The following CARMIL1 variants were observed in gnomAD, a reference collection of about 807,000 sequenced individuals.
CARMIL1 encodes capping protein regulator and myosin 1 linker 1.
A neutral mutation model predicts 177.1 loss-of-function variants in CARMIL1; 90 were observed. The observed-to-expected ratio is 0.51, with a 90% confidence interval of 0.43 to 0.61. The LOEUF (loss-of-function observed/expected upper bound fraction) is 0.61, where lower values mean the gene tolerates loss of function less well. CARMIL1 is among the 20% of genes least tolerant of loss of function. The pLI is 0.00. For missense variants in CARMIL1, 1,380 were observed against 1,667.0 expected, an observed-to-expected ratio of 0.83 and a Z score of 3.00; for synonymous variants, 577 against 606.2, an observed-to-expected ratio of 0.95 and a Z score of 0.71.
intron 26 of CARMIL1, among the ~76,000 whole-genome samples, chr6:25,546,646 T>A (rs1285980684): frequency 8.4e-6 from 1 of 119,062 alleles, no homozygotes; most frequent in Non-Finnish European, 1.7e-5. Flanking sequence ...CGGAATGAGA[T>A]CCCGTCTCAA....
chr6:25,579,814 T>C lies in CARMIL1; in HGVS notation c.2743-1110T>C, dbSNP rs541813294. 2.6e-5 allele frequency among the ~76,000 whole-genome samples: 4 copies of C among 152,330 alleles called. No homozygotes were observed. The East Asian group carries it at 5.8e-4, about 22-fold the overall frequency. On this transcript the variant is annotated intron_variant, in intron 29 of 36. Coordinates refer to ENST00000329474, the MANE Select transcript of CARMIL1 (RefSeq NM_017640.6). ...AATGATATTATTAAAACTGGCATAA[T>C]TGTCAAAACTATAGATTTGTTTGCT...
At chr6:25,282,019 G>A (rs1376567640) in intron 1 of CARMIL1, among the ~76,000 whole-genome samples, 1 of 151,076 alleles carries the variant, frequency 6.6e-6, no homozygotes, top group African/African-American at 2.4e-5. Context: ...GGAGGCTGAG[G>A]CAGGAGAATC....
chr6:25,564,609 G>C (rs1811398005), intron 29 of CARMIL1, among the ~76,000 whole-genome samples: 1 of 152,092 alleles, frequency 6.6e-6, no homozygotes, highest in South Asian at 2.1e-4. Context: ...TCTGTCTTAT[G>C]GACACGATGG....
At chr6:25,354,121 A>G (rs557559090) in intron 2 of CARMIL1, among the ~76,000 whole-genome samples, 14 of 152,230 alleles carry the variant, frequency 9.2e-5, no homozygotes, top group African/African-American at 3.1e-4. Context: ...GCAATATGAT[A>G]TGTTCTGGTC....
intron 23 of CARMIL1, among the ~76,000 whole-genome samples, chr6:25,523,239 C>T (rs1015108009): frequency 1.3e-5 from 2 of 152,080 alleles, no homozygotes; most frequent in Non-Finnish European, 2.9e-5. Flanking sequence ...CCATAACCTT[C>T]AATAAGTTAC....
chr6:25,431,480 A>G (rs947512592), intron 4 of CARMIL1, among the ~76,000 whole-genome samples: 5 of 151,856 alleles, frequency 3.3e-5, no homozygotes, highest in African/African-American at 1.2e-4. Flanking sequence ...GTTTGCCCAA[A>G]TGGTCAAACA....
At chr6:25,584,705 ACT>A (rs1295086990) in intron 31 of CARMIL1, among the ~76,000 whole-genome samples, 1 of 151,866 alleles carries the variant, frequency 6.6e-6, no homozygotes, top group Non-Finnish European at 1.5e-5. Flanking sequence ...GTTTGTTCAG[ACT>A]CTTCTCCCTC....
intron 4 of CARMIL1, among the ~76,000 whole-genome samples, chr6:25,429,179 C>T (rs899123884): frequency 6.6e-6 from 1 of 152,110 alleles, no homozygotes; most frequent in Admixed American, 6.6e-5. Flanking sequence ...TGGAATAGTT[C>T]CATTGAATAA....
At chr6:25,390,316 ATATATTTTTT>A (rs1473691738) in intron 2 of CARMIL1, among the ~76,000 whole-genome samples, 123 of 42,188 alleles carry the variant, frequency 2.9e-3, no homozygotes, top group African/African-American at 0.012. Context: ...ATATATATAT[ATATATTTTTT>A]TTTTTTTTTT....
At chr6:25,584,772 C>T (rs185738215) in intron 31 of CARMIL1, among the ~76,000 whole-genome samples, 5 of 152,084 alleles carry the variant, frequency 3.3e-5, no homozygotes, top group African/African-American at 1.2e-4. Context: ...GGCAGTTTCT[C>T]GAATGAAACT....
At chr6:25,412,865 C>A (rs1459803979) in intron 2 of CARMIL1, among the ~76,000 whole-genome samples, 2 of 152,140 alleles carry the variant, frequency 1.3e-5, no homozygotes, top group Admixed American at 6.5e-5. Flanking sequence ...ATCAATGTAT[C>A]CCACAGCTGC....
intron 5 of CARMIL1, among the ~76,000 whole-genome samples, chr6:25,441,699 T>C (rs1797799564): frequency 6.6e-6 from 1 of 152,200 alleles, no homozygotes; most frequent in Admixed American, 6.5e-5. Flanking sequence ...TGCTATAGAC[T>C]GTCCTTGGAG....
In CARMIL1 at chr6:25,426,548, C is replaced by T; in HGVS notation, c.237C>T (p.Ser79=). The T allele has an allele frequency of 6.2e-7, 1 of 1,612,078 alleles. No individual in the cohort carries two copies. Among genetic ancestry groups the T allele is most frequent in the Non-Finnish European group, 8.5e-7 (1 of 1,178,790 alleles). ...SYLEIHGVVC[S]KSAQMIVETE... ...TGGAGATTCATGGCGTCGTTTGCAGCAAGTCAGCTCAGGTGAGTGTGAAAA... is the reference window on the plus strand; with the variant it reads ...TGGAGATTCATGGCGTCGTTTGCAGTAAGTCAGCTCAGGTGAGTGTGAAAA... Residue 79 remains serine, a synonymous_variant, in exon 4 of 37, where the codon AGC becomes AGT. Transcript: ENST00000329474.
At chr6:25,373,347 T>C (rs778662363) in intron 2 of CARMIL1, among the ~76,000 whole-genome samples, 17 of 152,166 alleles carry the variant, frequency 1.1e-4, no homozygotes, top group Admixed American at 2.0e-4. Context: ...CAATTTTTCT[T>C]TGAATGTCTG....
chr6:25,507,908 T>C (rs1161862376), intron 17 of CARMIL1, among the ~76,000 whole-genome samples: 1 of 152,188 alleles, frequency 6.6e-6, no homozygotes, highest in Non-Finnish European at 1.5e-5. Flanking sequence ...TAAATATCTG[T>C]AGTAAATAAA....
chr6:25,449,978 CTGAGCAGGGCCCCTGTGG>C lies in CARMIL1; in HGVS notation c.459_469+7del, dbSNP rs773655639. The C allele has an allele frequency of 6.2e-7, 1 of 1,610,488 alleles. No individual in the cohort carries two copies. Among genetic ancestry groups the C allele is most frequent in the Non-Finnish European group, 8.5e-7 (1 of 1,178,064 alleles). On this transcript the variant is annotated splice_donor_variant and coding_sequence_variant, in exon 6 of 37. Coordinates refer to ENST00000329474, the MANE Select transcript of CARMIL1 (RefSeq NM_017640.6). LOFTEE classifies it high-confidence loss of function. ...GCGCTGTGGGACAGCCAGACCGTGG[CTGAGCAGGGCCCCTGTGG>C]TGAGCATGCATTTTAAAACTGAAAT...
At chr6:25,586,846 CG>C (rs532354980) in intron 31 of CARMIL1, among the ~76,000 whole-genome samples, 3 of 152,050 alleles carry the variant, frequency 2.0e-5, no homozygotes, top group African/African-American at 7.2e-5. Flanking sequence ...CCCAGGCACT[CG>C]GCAGGCTGAG....
intron 20 of CARMIL1, among the ~76,000 whole-genome samples, chr6:25,512,397 G>A (rs1805541482): frequency 6.6e-6 from 1 of 152,066 alleles, no homozygotes; most frequent in Admixed American, 6.6e-5. Context: ...AGCTTTTTAT[G>A]TTCCTGCCAT....
rs550529555 is a variant in CARMIL1 at position 25,397,891 on chromosome 6, A to G, written c.139-22223A>G. Among the ~76,000 whole-genome samples, 157 of 152,256 alleles carry G rather than the reference A, an allele frequency of 1.0e-3. 1 individual carries two copies. The highest frequency in any genetic ancestry group is 3.6e-3 in the African/African-American group (151 of 41,556). Reference sequence around the variant, plus strand: ...TAACATATACATAGATTTAAAATACATTTAGGTTTATTTTCATTCAAATAG... The same window carrying G: ...TAACATATACATAGATTTAAAATACGTTTAGGTTTATTTTCATTCAAATAG... On this transcript the variant is annotated intron_variant, in intron 2 of 36. Coordinates refer to ENST00000329474, the MANE Select transcript of CARMIL1 (RefSeq NM_017640.6).
Sources: gnomAD v4.1 joint callset for allele counts (sites outside exome capture counted in the v4.1 genomes callset) on GRCh38, gnomAD v4.1.1 for gene constraint, MANE v1.5 for transcripts, NCBI Gene and HGNC (gene_info 2026-07-23, HGNC 2026-07-21) for gene names.